BUB1: variants seen among roughly 807,000 people sequenced by gnomAD.
The protein encoded by BUB1 is BUB1 mitotic checkpoint serine/threonine kinase, also known as mitotic checkpoint serine/threonine-protein kinase BUB1.
Under a neutral mutation model 135.2 loss-of-function variants are expected in BUB1, and 84 were observed. The observed-to-expected ratio is 0.62, with a 90% confidence interval of 0.52 to 0.74. BUB1 has a LOEUF of 0.74. BUB1 is among the 30% of genes least tolerant of loss of function. BUB1 has a pLI of 0.00. For missense variants in BUB1, 1,162 were observed against 1,288.3 expected (o/e 0.90, Z 1.50); for synonymous variants, 403 against 434.4 (o/e 0.93, Z 0.90).
chr2:110,671,394 G>A (rs974512909), intron 4 of BUB1, among the ~76,000 whole-genome samples: 3 of 152,134 alleles, frequency 2.0e-5, no homozygotes, highest in African/African-American at 7.2e-5. Context: ...TTAAAAGTTG[G>A]TGATAGATAA....
At chr2:110,658,315 A>G in intron 13 of BUB1, 95 bp downstream of exon 13, 1 of 1,000,994 alleles carries the variant, frequency 1.0e-6, no homozygotes, top group Non-Finnish European at 1.5e-6. Context: ...TGACAAGCTA[A>G]TCAAGGGCAG....
intron 23 of BUB1, 142 bp from the exon 24 acceptor site, chr2:110,639,990 C>A (rs1689461447): frequency 1.4e-6 from 1 of 738,268 alleles, no homozygotes. Context: ...TGTTCAATCG[C>A]CCCACTAACA....
chr2:110,640,040 T>C (rs2104512977), intron 23 of BUB1, 192 bp from the exon 24 acceptor site: 2 of 665,676 alleles, frequency 3.0e-6, no homozygotes, highest in Non-Finnish European at 5.5e-6. Context: ...AGGCTTCCAG[T>C]CTCTTGAAAA....
chr2:110,672,593 C>A, intron 4 of BUB1, 68 bp downstream of exon 4: 1 of 1,467,836 alleles, frequency 6.8e-7, no homozygotes, highest in Non-Finnish European at 9.2e-7. Context: ...GCTAATGATA[C>A]AATTTTTAAC....
intron 14 of BUB1, 102 bp downstream of exon 14, chr2:110,657,444 G>C: frequency 3.7e-6 from 3 of 811,792 alleles, no homozygotes; most frequent in Non-Finnish European, 5.5e-6. Flanking sequence ...AGGCTCATTT[G>C]ACCATGTGAT....
At chr2:110,647,525 C>A (rs547830280) in intron 19 of BUB1, among the ~76,000 whole-genome samples, 2 of 151,374 alleles carry the variant, frequency 1.3e-5, no homozygotes, top group African/African-American at 4.9e-5. Flanking sequence ...GAAAGGAGCA[C>A]GATAAATAAA....
intron 10 of BUB1, 165 bp downstream of exon 10, chr2:110,661,417 G>T: frequency 1.3e-6 from 1 of 778,272 alleles, no homozygotes; most frequent in Non-Finnish European, 2.0e-6. Flanking sequence ...CTAAAGGATT[G>T]GGAGCAATGT....
In BUB1 at chr2:110,642,249, G is replaced by A; in HGVS notation, c.2348-15C>T. 1 of 1,530,270 alleles carries A rather than the reference G, an allele frequency of 6.5e-7. No homozygotes were observed. The highest frequency in any genetic ancestry group is 8.9e-7 in the Non-Finnish European group (1 of 1,127,214). The allele number at this position is 1,530,270 out of a possible 1,614,324, so 94.8% of individuals were successfully genotyped here. On this transcript the variant is annotated splice_polypyrimidine_tract_variant and intron_variant, in intron 19 of 24. Transcript: ENST00000302759. ...CAGCTTAGAACCTTAGAAGATAATTGAAAATTTTAATTTATGTACGCCTTT... is the reference window on the plus strand; with the variant it reads ...CAGCTTAGAACCTTAGAAGATAATTAAAAATTTTAATTTATGTACGCCTTT...
intron 9 of BUB1, among the ~76,000 whole-genome samples, chr2:110,664,036 A>G (rs1215083315): frequency 1.3e-4 from 19 of 151,768 alleles, no homozygotes; most frequent in Admixed American, 1.2e-3. Flanking sequence ...CAAAAAAAAA[A>G]AAAAAAAAAG....
intron 13 of BUB1, among the ~76,000 whole-genome samples, chr2:110,657,930 C>T (rs187348056): frequency 5.9e-5 from 9 of 152,320 alleles, no homozygotes; most frequent in East Asian, 1.9e-4. Context: ...ACTCAATAAA[C>T]GCTCTCAGGG....
chr2:110,648,599 C>T lies in BUB1; in HGVS notation c.2347+635G>A, dbSNP rs756783926. ...TGGCTTAATTTTAACAAATGTACCA[C>T]ACTCATGCAAGATGTTAGTAACACG... On this transcript the variant is annotated intron_variant, in intron 19 of 24. Transcript: ENST00000302759. This position sits in a 1 kb window ranked among gnomAD's most constrained non-coding sequence, Gnocchi z 4.2. 1.3e-4 allele frequency among the ~76,000 whole-genome samples: 20 copies of T among 152,206 alleles called. No homozygotes were observed. Among genetic ancestry groups the T allele is most frequent in the South Asian group, 4.1e-4 (2 of 4,832 alleles).
intron 14 of BUB1, 136 bp from the exon 15 acceptor site, chr2:110,657,253 G>T: frequency 1.5e-6 from 1 of 675,116 alleles, no homozygotes; most frequent in Non-Finnish European, 2.4e-6. Flanking sequence ...TGCTTTTATA[G>T]CAGTTCTAGC....
At chr2:110,669,617 CATA>C (rs1690363378) in intron 5 of BUB1, 64 bp from the exon 6 acceptor site, 3 of 1,032,030 alleles carry the variant, frequency 2.9e-6, no homozygotes, top group Non-Finnish European at 4.5e-6. Context: ...AAAATTATCA[CATA>C]ATAAATTCCC....
At chr2:110,651,866 A>G (rs537195080) in intron 17 of BUB1, among the ~76,000 whole-genome samples, 193 of 152,308 alleles carry the variant, frequency 1.3e-3, no homozygotes, top group African/African-American at 4.6e-3. Flanking sequence ...ACATGTTTTT[A>G]GCCTATGAGC....
chr2:110,674,938 A>G (rs1690532280), intron 1 of BUB1: 1 of 158,838 alleles, frequency 6.3e-6, no homozygotes, highest in Admixed American at 6.4e-5. Context: ...TTTGCTTCCC[A>G]GGAGCATGGC....
intron 17 of BUB1, among the ~76,000 whole-genome samples, chr2:110,651,893 T>C (rs941895126): frequency 6.6e-6 from 1 of 152,192 alleles, no homozygotes; most frequent in East Asian, 1.9e-4. Context: ...TTATACCATA[T>C]AGCCTAGGTG....
intron 1 of BUB1, 22 bp from the exon 2 acceptor site, chr2:110,674,387 AC>A (rs1464616472): frequency 1.1e-5 from 17 of 1,610,308 alleles, no homozygotes; most frequent in Non-Finnish European, 1.4e-5. Context: ...AAAGGTATGC[AC>A]ATGGGATATT....
At chr2:110,664,404 G>A (rs1443230152) in intron 9 of BUB1, among the ~76,000 whole-genome samples, 10 of 152,000 alleles carry the variant, frequency 6.6e-5, no homozygotes, top group Non-Finnish European at 1.5e-4. Flanking sequence ...CACCAATAGC[G>A]CAAGCCAAAA....
chr2:110,669,076 T>C, intron 6 of BUB1, among the ~76,000 whole-genome samples: 2 of 152,304 alleles, frequency 1.3e-5, no homozygotes, highest in African/African-American at 4.8e-5. Flanking sequence ...CAGCAATCTT[T>C]GAGGCTCTGA....
Sources: gnomAD v4.1 joint callset for allele counts (sites outside exome capture counted in the v4.1 genomes callset) on GRCh38, gnomAD v4.1.1 for gene constraint, Gnocchi (gnomAD v3.1) non-coding constraint, MANE v1.5 for transcripts, NCBI Gene and HGNC (gene_info 2026-07-23, HGNC 2026-07-21) for gene names.